The following TRIM60 variants were observed in gnomAD, a reference collection of about 807,000 sequenced individuals.
TRIM60 encodes tripartite motif-containing protein 60.
For synonymous variants in TRIM60, 189 were observed against 195.2 expected, an observed-to-expected ratio of 0.97 and a Z score of 0.27; for missense variants, 524 against 540.8, an observed-to-expected ratio of 0.97 and a Z score of 0.31.
chr4:165,041,748 AAT>A, exon 3 of TRIM60: 3 of 306,992 alleles, frequency 9.8e-6, no homozygotes, highest in East Asian at 1.9e-4. Context: ...AATTGCCTAT[AAT>A]TTTTTTTTTT....
intron 1 of TRIM60, among the ~76,000 whole-genome samples, chr4:165,035,348 AC>A (rs1363244091): frequency 6.6e-6 from 1 of 152,084 alleles, no homozygotes; most frequent in Non-Finnish European, 1.5e-5. Flanking sequence ...ACAGATGCGA[AC>A]CACCGTGCCT....
chr4:165,032,703 T>G (rs1259926224), intron 1 of TRIM60, among the ~76,000 whole-genome samples: 3 of 152,184 alleles, frequency 2.0e-5, no homozygotes, highest in Admixed American at 6.5e-5. Context: ...GCGCCAGCAC[T>G]TCTCTGGCGG....
chr4:165,040,987 T>A lies in TRIM60; in HGVS notation c.915T>A (p.His305Gln). ...VDVILDLNTA[H>Q]PQLLVSEDRK... ...TGATTCTAGATCTCAACACAGCACA[T>A]CCTCAACTTCTTGTCTCTGAGGATA... Residue 305 changes from histidine to glutamine, a missense_variant, in exon 3 of 3, where the codon CAT becomes CAA. By Grantham distance (24) the His-to-Gln change is conservative. Transcript: ENST00000512596. 6.2e-7 allele frequency: 1 copy of A among 1,614,100 alleles called. No homozygotes were observed.
rs1382364102 is a variant in TRIM60 at position 165,040,956 on chromosome 4, T to A, written c.884T>A (p.Val295Glu). ...GACAGAATTATCAAGCCATTTCAAGTAGATGTGATTCTAGATCTCAACACA... is the reference window on the plus strand; with the variant it reads ...GACAGAATTATCAAGCCATTTCAAGAAGATGTGATTCTAGATCTCAACACA... The part of the protein sequence containing the change: ...GLDRIIKPFQ[V>E]DVILDLNTAH... The change falls in exon 3 of 3, where the codon GTA becomes GAA. Residue 295 changes from valine to glutamate, a missense_variant. By Grantham distance (121) the Val-to-Glu change is moderately radical. Transcript: ENST00000512596. 1 of 1,614,038 alleles carries A rather than the reference T, an allele frequency of 6.2e-7. No individual in the cohort carries two copies. The highest frequency in any genetic ancestry group is 8.5e-7 in the Non-Finnish European group (1 of 1,179,886).
At chr4:165,034,178 A>G (rs1237206735) in intron 1 of TRIM60, among the ~76,000 whole-genome samples, 1 of 147,534 alleles carries the variant, frequency 6.8e-6, no homozygotes, top group African/African-American at 2.5e-5. Context: ...TTTTAAGATG[A>G]CTCTCACTCT....
At position 165,040,489 on chromosome 4, in the gene TRIM60, T is replaced by C; in HGVS notation, c.417T>C (p.Tyr139=). 1.2e-6 allele frequency: 2 copies of C among 1,614,132 alleles called. No individual in the cohort carries two copies. The highest frequency in any genetic ancestry group is 2.2e-5 in the East Asian group (1 of 44,886). The change falls in exon 3 of 3, where the codon TAT becomes TAC. Residue 139 remains tyrosine (Y), a synonymous_variant. Coordinates refer to ENST00000512596, the MANE Select transcript of TRIM60 (RefSeq NM_152620.3). Reference sequence around the variant, plus strand: ...GCCCTATTAAGAAAGCTGCCTCTTATCACAGAGAAATTCTAGAAGGTAGCC... The same window carrying C: ...GCCCTATTAAGAAAGCTGCCTCTTACCACAGAGAAATTCTAGAAGGTAGCC... ...YICPIKKAAS[Y]HREILEGSLE...
rs753125877 is a variant in TRIM60, at chr4:165,040,099, C to T, written c.27C>T (p.Asn9=). The T allele has an allele frequency of 3.7e-6, 6 of 1,612,562 alleles. No homozygotes were observed. Among genetic ancestry groups the T allele is most frequent in the Non-Finnish European group, 4.2e-6 (5 of 1,179,912 alleles). Residue 9 remains asparagine (N), a synonymous_variant, in exon 3 of 3, where the codon AAC becomes AAT. Coordinates refer to ENST00000512596, the MANE Select transcript of TRIM60 (RefSeq NM_152620.3). MEFVTALV[N]LQEESSCPIC... Reference sequence around the variant, plus strand: ...TGGAGTTTGTGACAGCCCTGGTGAACCTCCAAGAGGAGTCTAGCTGTCCCA... The same window carrying T: ...TGGAGTTTGTGACAGCCCTGGTGAATCTCCAAGAGGAGTCTAGCTGTCCCA...
Position 165,041,101 on chromosome 4 carries a change from GAGATT to G in TRIM60, c.1030_1034del (p.Arg344Ter), listed in dbSNP as rs1733754592. 3 of 1,614,092 alleles carry G rather than the reference GAGATT, an allele frequency of 1.9e-6. No homozygotes were observed. The highest frequency in any genetic ancestry group is 2.5e-6 in the Non-Finnish European group (3 of 1,180,054). On this transcript the variant is annotated frameshift_variant, in exon 3 of 3. Transcript: ENST00000512596. LOFTEE classifies it low-confidence loss of function (END_TRUNC). ...TCTGCCCTGCTGTCCTAGGCTCTCA[GAGATT>G]TAGTTCTGGCCGACATTACTGGGAA...
chr4:165,036,304 C>G (rs1733621179), intron 1 of TRIM60, among the ~76,000 whole-genome samples: 1 of 152,042 alleles, frequency 6.6e-6, no homozygotes, highest in African/African-American at 2.4e-5. Flanking sequence ...GTTAGTTGAT[C>G]AATGACATAT....
intron 1 of TRIM60, among the ~76,000 whole-genome samples, chr4:165,035,009 C>T (rs1173992960): frequency 6.6e-6 from 1 of 152,154 alleles, no homozygotes; most frequent in East Asian, 1.9e-4. Context: ...CCCAAGACCA[C>T]CCCTAGGTTT....
intron 1 of TRIM60, among the ~76,000 whole-genome samples, chr4:165,034,266 C>A (rs1002308780): frequency 6.6e-6 from 1 of 152,112 alleles, no homozygotes; most frequent in East Asian, 1.9e-4. Context: ...AATTCTCCTG[C>A]CCCAGCCTTT....
chr4:165,038,614 T>A (rs1733676708), intron 1 of TRIM60, among the ~76,000 whole-genome samples: 1 of 148,152 alleles, frequency 6.7e-6, no homozygotes, highest in South Asian at 2.1e-4. Flanking sequence ...GCACTCTAGC[T>A]TGGGTGACAC....
intron 1 of TRIM60, among the ~76,000 whole-genome samples, chr4:165,032,545 G>T (rs57046161): frequency 6.6e-6 from 1 of 152,140 alleles, no homozygotes; most frequent in Admixed American, 6.5e-5. Flanking sequence ...CACCGTGCTC[G>T]GCCGGATTCT....
At chr4:165,034,733 A>G (rs2073916000) in intron 1 of TRIM60, among the ~76,000 whole-genome samples, 1 of 152,238 alleles carries the variant, frequency 6.6e-6, no homozygotes, top group Non-Finnish European at 1.5e-5. Context: ...GAAAAATATT[A>G]TAATTTTTAA....
At chr4:165,035,971 C>G (rs1579179285) in intron 1 of TRIM60, among the ~76,000 whole-genome samples, 2 of 152,180 alleles carry the variant, frequency 1.3e-5, no homozygotes, top group African/African-American at 4.8e-5. Flanking sequence ...GATCTGCCCG[C>G]CTTGGCCTCC....
chr4:165,040,023 G>A (rs554420671), intron 2 of TRIM60, 46 bp from the exon 3 acceptor site: 62 of 1,517,180 alleles, frequency 4.1e-5, no homozygotes, highest in Non-Finnish European at 5.3e-5. Context: ...TACGGAGGCA[G>A]GACTGATCAA....
chr4:165,039,187 G>A lies in TRIM60; in HGVS notation c.-56-14G>A, dbSNP rs1005961227. ...AGTTCTCTATAGATGGTAATGCTTT[G>A]CTCCCCATTGCAGGTCATCAGTTTG... On this transcript the variant is annotated splice_polypyrimidine_tract_variant and intron_variant, in intron 1 of 2. Coordinates refer to ENST00000512596, the MANE Select transcript of TRIM60 (RefSeq NM_152620.3). 4.0e-5 allele frequency: 6 copies of A among 151,856 alleles called. No homozygotes were observed. Among genetic ancestry groups the A allele is most frequent in the Admixed American group, 3.9e-4 (6 of 15,232 alleles). 9.4% of individuals were successfully genotyped at this position (151,856 alleles called of 1,614,324 possible). A position where few individuals can be genotyped will look rare whatever the true frequency, so the allele number is the denominator to read the frequency against.
chr4:165,035,492 G>A (rs898718082), intron 1 of TRIM60, among the ~76,000 whole-genome samples: 8 of 152,174 alleles, frequency 5.3e-5, no homozygotes, highest in African/African-American at 1.9e-4. Flanking sequence ...TGTCACACAG[G>A]ACCTGCTTAG....
chr4:165,034,915 A>G (rs542217993), intron 1 of TRIM60, among the ~76,000 whole-genome samples: 1 of 152,276 alleles, frequency 6.6e-6, no homozygotes, highest in Admixed American at 6.5e-5. Context: ...AATGACATAA[A>G]TGTAGGCAGT....
Sources: allele counts gnomAD v4.1 joint callset (sites outside exome capture counted in the v4.1 genomes callset), GRCh38; gene constraint gnomAD v4.1.1; transcripts MANE v1.5; gene names NCBI Gene and HGNC (gene_info 2026-07-23, HGNC 2026-07-21).